The following WDHD1 variants were observed in gnomAD, a reference collection of about 807,000 sequenced individuals.
WDHD1 encodes the protein WD repeat and HMG-box DNA binding protein 1.
WDHD1 carries 111 observed loss-of-function variants against 135.4 expected under a neutral mutation model. The ratio of observed to expected loss-of-function variants is 0.82; its 90% confidence interval spans 0.70 to 0.96. WDHD1 has a LOEUF of 0.96. Ranked by LOEUF, WDHD1 falls within the 40% of genes least tolerant of loss-of-function variation. The pLI is 0.00. For synonymous variants in WDHD1, 434 were observed against 439.0 expected (o/e 0.99, Z 0.14); for missense variants, 1,351 against 1,336.3 (o/e 1.01, Z -0.17).
At chr14:55,024,291 C>A (rs567061212) in intron 2 of WDHD1, among the ~76,000 whole-genome samples, 1 of 152,182 alleles carries the variant, frequency 6.6e-6, no homozygotes, top group Non-Finnish European at 1.5e-5. Context: ...CACATCCAAA[C>A]GCAAACTCAA....
intron 11 of WDHD1, among the ~76,000 whole-genome samples, chr14:54,993,411 T>C (rs1169769457): frequency 6.6e-6 from 1 of 152,142 alleles, no homozygotes; most frequent in African/African-American, 2.4e-5. Context: ...AGAGCCACCA[T>C]TCCCAGCCAG....
At chr14:54,960,025 C>A (rs1307152123) in intron 21 of WDHD1, among the ~76,000 whole-genome samples, 1 of 152,118 alleles carries the variant, frequency 6.6e-6, no homozygotes, top group Non-Finnish European at 1.5e-5. Context: ...AACTGAGAAT[C>A]ACTCTTTACG....
At chr14:54,958,252 G>A (rs1228538114) in intron 21 of WDHD1, among the ~76,000 whole-genome samples, 3 of 151,446 alleles carry the variant, frequency 2.0e-5, no homozygotes, top group African/African-American at 4.9e-5. Context: ...TCAGCCTCCC[G>A]AATTGCTGGG....
intron 18 of WDHD1, among the ~76,000 whole-genome samples, chr14:54,963,486 G>A (rs879420108): frequency 6.6e-6 from 1 of 152,096 alleles, no homozygotes; most frequent in Non-Finnish European, 1.5e-5. Context: ...CTAATTGCAA[G>A]AAAATTAAGA....
chr14:55,020,434 G>A (rs1040166614), intron 2 of WDHD1, among the ~76,000 whole-genome samples: 1 of 152,082 alleles, frequency 6.6e-6, no homozygotes, highest in Non-Finnish European at 1.5e-5. Flanking sequence ...CATCCTTCTT[G>A]TCTTTCAGTT....
At chr14:54,960,250 C>G (rs2041228905) in intron 21 of WDHD1, among the ~76,000 whole-genome samples, 1 of 152,028 alleles carries the variant, frequency 6.6e-6, no homozygotes, top group African/African-American at 2.4e-5. Flanking sequence ...TCACTGCAAG[C>G]TCTGCCTCCC....
At chr14:54,995,398 G>C (rs1475752763) in intron 11 of WDHD1, among the ~76,000 whole-genome samples, 1 of 151,898 alleles carries the variant, frequency 6.6e-6, no homozygotes, top group Non-Finnish European at 1.5e-5. Flanking sequence ...TTGGGGTTTA[G>C]TTTTCTCTTT....
intron 1 of WDHD1, 109 bp from the exon 2 acceptor site, chr14:55,026,912 G>A (rs2042456303): frequency 2.0e-6 from 2 of 1,017,480 alleles, no homozygotes; most frequent in Non-Finnish European, 1.5e-6. Context: ...TCCGCAGCCC[G>A]GTTTCCCCCA....
At chr14:55,009,546 C>T (rs978510287) in intron 4 of WDHD1, among the ~76,000 whole-genome samples, 1 of 152,066 alleles carries the variant, frequency 6.6e-6, no homozygotes, top group African/African-American at 2.4e-5. Flanking sequence ...ATTCTCCTGC[C>T]TCAGCCTCCC....
chr14:54,975,410 C>T (rs1373130355), intron 16 of WDHD1, among the ~76,000 whole-genome samples: 3 of 151,520 alleles, frequency 2.0e-5, no homozygotes, highest in East Asian at 3.9e-4. Context: ...TACAGTGGCG[C>T]AATCTCGGCT....
chr14:55,005,618 T>C (rs948649822), intron 7 of WDHD1: 1 of 597,680 alleles, frequency 1.7e-6, no homozygotes, highest in Non-Finnish European at 3.2e-6. Flanking sequence ...GCTACCTAAG[T>C]GGGTTCCTCC....
At chr14:54,987,652 C>T (rs955050169) in intron 13 of WDHD1, among the ~76,000 whole-genome samples, 20 of 151,988 alleles carry the variant, frequency 1.3e-4, no homozygotes, top group African/African-American at 3.9e-4. Flanking sequence ...TGGAGTTTTG[C>T]TCTGTCACCC....
At position 55,019,473 on chromosome 14, in the gene WDHD1, C is replaced by T. The variant is rs542527407; in HGVS notation, c.78-5877G>A. Among the ~76,000 whole-genome samples the T allele has an allele frequency of 4.6e-3, 707 of 152,218 alleles. 3 individuals are homozygous for T. The highest frequency in any genetic ancestry group is 8.4e-3 in the Non-Finnish European group (568 of 68,002). ...TCTAATATTATTTTATTTGTGCCTT[C>T]TCTTTTTTGATTCATGACTCTTGCT... On this transcript the variant is annotated intron_variant, in intron 2 of 25. Coordinates refer to ENST00000360586, the MANE Select transcript of WDHD1 (RefSeq NM_007086.4).
intron 8 of WDHD1, 119 bp from the exon 9 acceptor site, chr14:55,001,111 C>A: frequency 2.1e-5 from 11 of 519,756 alleles, no homozygotes; most frequent in Non-Finnish European, 2.8e-5. Flanking sequence ...GGGAATCAAC[C>A]AAATTCAAAT....
Position 54,957,642 on chromosome 14 carries a change from C to CA in WDHD1, c.2702-8dup. On this transcript the variant is annotated splice_region_variant and splice_polypyrimidine_tract_variant and intron_variant, in intron 21 of 25. Transcript: ENST00000360586. ...CTGCTAAAGGTAACTGCACCTTTCA[C>CA]AAAAAAGAAACCCTTGCTTAATAAT... 1.2e-6 allele frequency: 2 copies of CA among 1,602,778 alleles called. No homozygotes were observed. Among genetic ancestry groups the CA allele is most frequent in the Non-Finnish European group, 1.7e-6 (2 of 1,176,840 alleles).
At chr14:54,992,213 G>A (rs1032057714) in intron 11 of WDHD1, among the ~76,000 whole-genome samples, 3 of 151,080 alleles carry the variant, frequency 2.0e-5, no homozygotes, top group Non-Finnish European at 3.0e-5. Flanking sequence ...AAAAAGAGCT[G>A]GGCACAGTGG....
chr14:54,988,958 G>A, intron 13 of WDHD1, 70 bp downstream of exon 13: 1 of 1,365,648 alleles, frequency 7.3e-7, no homozygotes, highest in Non-Finnish European at 9.9e-7. Flanking sequence ...TTAACTTTTT[G>A]TCTTTAATTT....
At chr14:54,995,302 C>A (rs566089861) in intron 11 of WDHD1, among the ~76,000 whole-genome samples, 20 of 152,166 alleles carry the variant, frequency 1.3e-4, no homozygotes, top group African/African-American at 4.6e-4. Context: ...GTCAAAGAAC[C>A]AGCTTTTGGT....
chr14:54,972,553 CAAAAAAAAAAAAAAAAAAAAAAAAAAAA>C (rs71410642), intron 16 of WDHD1, among the ~76,000 whole-genome samples: 1 of 25,480 alleles, frequency 3.9e-5, no homozygotes, highest in Non-Finnish European at 6.6e-5. Context: ...AAGACTGTCA[CAAAAAAAAAAAAAAAAAAAAAAAAAAAA>C]AAAAAAAAAT....
Sources: gnomAD v4.1 joint callset for allele counts (sites outside exome capture counted in the v4.1 genomes callset) on GRCh38, gnomAD v4.1.1 for gene constraint, MANE v1.5 for transcripts, NCBI Gene and HGNC (gene_info 2026-07-23, HGNC 2026-07-21) for gene names.